ANO3: variants seen among roughly 807,000 people sequenced by gnomAD.
ANO3 encodes the protein anoctamin 3.
A neutral mutation model predicts 144.8 loss-of-function variants in ANO3; 99 were observed. That is an observed-to-expected ratio of 0.68 (90% CI 0.58 to 0.81). The LOEUF is 0.81. ANO3 is among the 30% of genes least tolerant of loss of function. ANO3 has a pLI of 0.00. For synonymous variants in ANO3, 414 were observed against 392.6 expected (o/e 1.05, Z -0.64); for missense variants, 905 against 1,202.2 (o/e 0.75, Z 3.66).
chr11:26,530,878 C>T (rs1053412962), intron 7 of ANO3, among the ~76,000 whole-genome samples: 3 of 151,640 alleles, frequency 2.0e-5, no homozygotes, highest in African/African-American at 7.3e-5. Flanking sequence ...AGAAAAAAAA[C>T]AAAAACAAAA....
chr11:26,361,491 C>G (rs902395372), intron 1 of ANO3, among the ~76,000 whole-genome samples: 1 of 152,090 alleles, frequency 6.6e-6, no homozygotes. Context: ...AGGATTTAGT[C>G]GAACTTCTGT....
intron 1 of ANO3, among the ~76,000 whole-genome samples, chr11:26,205,843 G>T (rs933470817): frequency 1.6e-4 from 25 of 152,082 alleles, no homozygotes; most frequent in African/African-American, 5.3e-4. Context: ...TCCTCTAATG[G>T]TCTTTTTATA....
At chr11:26,401,755 C>T (rs1367344598) in intron 1 of ANO3, among the ~76,000 whole-genome samples, 1 of 151,906 alleles carries the variant, frequency 6.6e-6, no homozygotes, top group Non-Finnish European at 1.5e-5. Context: ...CACATGTCTA[C>T]AGTCCCAGCC....
At chr11:26,221,401 G>T (rs1001586480) in intron 1 of ANO3, among the ~76,000 whole-genome samples, 1 of 152,106 alleles carries the variant, frequency 6.6e-6, no homozygotes, top group African/African-American at 2.4e-5. Flanking sequence ...TGAGATCCAG[G>T]GTTATAAATC....
intron 4 of ANO3, among the ~76,000 whole-genome samples, chr11:26,480,619 C>A (rs1353564447): frequency 3.3e-5 from 5 of 151,990 alleles, no homozygotes; most frequent in Non-Finnish European, 1.5e-5. Flanking sequence ...AACAGCCTGC[C>A]CAACATGGTG....
chr11:26,261,240 C>T (rs1432838205), intron 1 of ANO3, among the ~76,000 whole-genome samples: 2 of 149,784 alleles, frequency 1.3e-5, no homozygotes, highest in Non-Finnish European at 3.0e-5. Context: ...TAAAAAATTA[C>T]ATGACTTTAT....
intron 4 of ANO3, among the ~76,000 whole-genome samples, chr11:26,476,455 T>C (rs1467325978): frequency 6.6e-6 from 1 of 151,972 alleles, no homozygotes; most frequent in Non-Finnish European, 1.5e-5. Flanking sequence ...CCAGATGTGT[T>C]TGAGAAGCTA....
chr11:26,593,367 C>A (rs1361228207), intron 14 of ANO3, among the ~76,000 whole-genome samples: 1 of 152,130 alleles, frequency 6.6e-6, no homozygotes, highest in African/African-American at 2.4e-5. Flanking sequence ...TAAAGTTCCC[C>A]AGTCACAACT....
rs527939696 is a variant in ANO3 at position 26,644,368 on chromosome 11, T to C, written c.2428+1034T>C. 5.9e-5 allele frequency among the ~76,000 whole-genome samples: 9 copies of C among 152,336 alleles called. No individual in the cohort carries two copies. In the South Asian group the frequency reaches 1.9e-3, roughly 32 times the overall value. ...ATGACATTTTTTAAAAATACTACTT[T>C]AGCCAGAGATGTTTAGATTGCTTCA... On this transcript the variant is annotated intron_variant, in intron 23 of 26. Coordinates refer to ENST00000256737, the MANE Select transcript of ANO3 (RefSeq NM_031418.4).
chr11:26,421,937 G>C (rs1006430736), intron 1 of ANO3, among the ~76,000 whole-genome samples: 1 of 151,978 alleles, frequency 6.6e-6, no homozygotes, highest in Non-Finnish European at 1.5e-5. Context: ...ACACACACTG[G>C]GGCCTTTCAG....
intron 17 of ANO3, among the ~76,000 whole-genome samples, chr11:26,600,957 G>A (rs1042095896): frequency 3.3e-5 from 5 of 152,110 alleles, no homozygotes; most frequent in Admixed American, 3.3e-4. Context: ...ACAAGAGTAT[G>A]CATAGGCCTA....
chr11:26,426,165 A>G (rs1366105655), intron 1 of ANO3, among the ~76,000 whole-genome samples: 1 of 152,206 alleles, frequency 6.6e-6, no homozygotes, highest in African/African-American at 2.4e-5. Flanking sequence ...GTCTAACAAT[A>G]CAGCTATAAC....
chr11:26,306,834 TCTC>T (rs1006694017), upstream of ANO3, among the ~76,000 whole-genome samples: 3 of 152,064 alleles, frequency 2.0e-5, no homozygotes, highest in African/African-American at 4.8e-5. Context: ...TGAAATATGA[TCTC>T]CTTCTATCTC....
chr11:26,377,247 A>G (rs1456617528), intron 1 of ANO3, among the ~76,000 whole-genome samples: 1 of 152,214 alleles, frequency 6.6e-6, no homozygotes, highest in Non-Finnish European at 1.5e-5. Flanking sequence ...ATGAACATGC[A>G]TTGGCAAAAC....
chr11:26,447,057 T>C (rs1858726188), intron 3 of ANO3, among the ~76,000 whole-genome samples: 1 of 151,322 alleles, frequency 6.6e-6, no homozygotes, highest in South Asian at 2.1e-4. Flanking sequence ...AAAAAGAAAA[T>C]AATTAGTCAA....
At chr11:26,281,587 T>C (rs756160129) in intron 1 of ANO3, among the ~76,000 whole-genome samples, 6 of 152,206 alleles carry the variant, frequency 3.9e-5, no homozygotes, top group Non-Finnish European at 8.8e-5. Flanking sequence ...CCTAGGAATT[T>C]CTATTTGTGG....
chr11:26,627,394 CAAT>C (rs1176752160), intron 18 of ANO3, among the ~76,000 whole-genome samples: 1 of 151,736 alleles, frequency 6.6e-6, no homozygotes, highest in Non-Finnish European at 1.5e-5. Flanking sequence ...GTTAAAATGA[CAAT>C]AATAATAGTT....
intron 6 of ANO3, among the ~76,000 whole-genome samples, chr11:26,520,376 A>AG (rs1412753398): frequency 3.3e-5 from 5 of 152,118 alleles, no homozygotes; most frequent in African/African-American, 7.2e-5. Flanking sequence ...AAAATGAAAA[A>AG]GGGGGGGAAA....
intron 14 of ANO3, among the ~76,000 whole-genome samples, chr11:26,584,406 A>C (rs10767554): frequency 2.0e-5 from 3 of 151,958 alleles, no homozygotes; most frequent in Non-Finnish European, 2.9e-5. Context: ...TGATCCGCCC[A>C]CCTCACCCTC....
Sources: gnomAD v4.1 joint callset for allele counts (sites outside exome capture counted in the v4.1 genomes callset) on GRCh38, gnomAD v4.1.1 for gene constraint, MANE v1.5 for transcripts, NCBI Gene and HGNC (gene_info 2026-07-23, HGNC 2026-07-21) for gene names.